Variants in SS18 observed in about 807,000 individuals in gnomAD.
SS18 encodes the protein SS18 subunit of BAF chromatin remodeling complex.
A neutral mutation model predicts 72.5 loss-of-function variants in SS18; 28 were observed. That is an observed-to-expected ratio of 0.39 (90% CI 0.29 to 0.53). The LOEUF is 0.53. Ranked by LOEUF, SS18 falls within the 20% of genes least tolerant of loss-of-function variation. The pLI, the probability that SS18 is intolerant of heterozygous loss-of-function variation, is 0.76. For missense variants in SS18, 518 were observed against 535.3 expected, an observed-to-expected ratio of 0.97 and a Z score of 0.32; for synonymous variants, 172 against 164.2, an observed-to-expected ratio of 1.05 and a Z score of -0.37.
chr18:26,043,559 A>G (rs535399878), intron 5 of SS18, among the ~76,000 whole-genome samples: 1 of 152,320 alleles, frequency 6.6e-6, no homozygotes, highest in South Asian at 2.1e-4. Context: ...GTATTCCAAA[A>G]AACTCAATTA....
chr18:26,071,102 A>G (rs1037468751), intron 3 of SS18, among the ~76,000 whole-genome samples: 4 of 152,188 alleles, frequency 2.6e-5, no homozygotes, highest in African/African-American at 9.6e-5. Context: ...GAAGGGATTA[A>G]GAAACATAAA....
At chr18:26,032,640 A>C in intron 9 of SS18, 108 bp from the exon 10 acceptor site, 1 of 1,286,140 alleles carries the variant, frequency 7.8e-7, no homozygotes, top group African/African-American at 1.5e-5. Flanking sequence ...TCTAAGCTAA[A>C]AAAAGATAGT....
At chr18:26,039,187 A>G (rs1476769367) in intron 6 of SS18, 102 bp downstream of exon 6, 4 of 906,188 alleles carry the variant, frequency 4.4e-6, no homozygotes, top group Admixed American at 6.2e-5. Context: ...AAAAAAAAAA[A>G]AAAAAAAAGA....
intron 4 of SS18, 76 bp downstream of exon 4, chr18:26,057,513 A>G: frequency 6.4e-7 from 1 of 1,559,374 alleles, no homozygotes; most frequent in Non-Finnish European, 8.8e-7. Context: ...TCAACAATCT[A>G]GTATCCCTTG....
At chr18:26,021,753 C>G (rs1167767484) in intron 10 of SS18, among the ~76,000 whole-genome samples, 3 of 152,138 alleles carry the variant, frequency 2.0e-5, no homozygotes, top group African/African-American at 7.2e-5. Flanking sequence ...ACTTAAATAC[C>G]AAACAGGCAC....
chr18:26,082,881 T>A (rs1568033488), intron 2 of SS18, among the ~76,000 whole-genome samples: 1 of 151,560 alleles, frequency 6.6e-6, no homozygotes, highest in African/African-American at 2.4e-5. Context: ...ATTTTTAATT[T>A]AAAAAAAAAC....
chr18:26,063,438 G>C (rs967262491), intron 3 of SS18, among the ~76,000 whole-genome samples: 1 of 152,176 alleles, frequency 6.6e-6, no homozygotes, highest in African/African-American at 2.4e-5. Flanking sequence ...ACAATGGTGT[G>C]AACCCGGGAG....
intron 2 of SS18, chr18:26,082,477 A>AT (rs34954947): frequency 3.1e-6 from 3 of 983,220 alleles, no homozygotes; most frequent in East Asian, 1.1e-4. Flanking sequence ...ATCGACACTA[A>AT]TTTTTTTTGT....
Position 26,057,755 on chromosome 18 carries a change from A to C in SS18, c.232-13T>G, listed in dbSNP as rs1435835781. The C allele has an allele frequency of 3.1e-6, 5 of 1,587,632 alleles. 1 individual carries two copies. In the South Asian group the frequency reaches 5.7e-5, roughly 18 times the overall value. ...TCTGTGTGGGTGGCTGAAAGAAGAC[A>C]GTTTAGTAAAACAAGAGAAACAGAC... On this transcript the variant is annotated splice_polypyrimidine_tract_variant and intron_variant, in intron 3 of 10. Transcript: ENST00000415083.
intron 3 of SS18, among the ~76,000 whole-genome samples, chr18:26,070,894 A>G (rs2054299639): frequency 6.6e-6 from 1 of 152,218 alleles, no homozygotes; most frequent in South Asian, 2.1e-4. Context: ...AGTTAGTAAC[A>G]TCCTCTCAGC....
intron 4 of SS18, 73 bp from the exon 5 acceptor site, chr18:26,052,918 A>T (rs922845387): frequency 3.3e-6 from 4 of 1,206,460 alleles, no homozygotes; most frequent in Non-Finnish European, 3.5e-6. Flanking sequence ...CCTGGAAATA[A>T]TTTTTTTTTT....
At chr18:26,052,493 T>G in intron 5 of SS18, 131 bp downstream of exon 5, 1 of 687,218 alleles carries the variant, frequency 1.5e-6, no homozygotes, top group Non-Finnish European at 2.5e-6. Context: ...AACATCTCCT[T>G]TTTATGGGCA....
At chr18:26,045,020 C>G (rs1200970371) in intron 5 of SS18, among the ~76,000 whole-genome samples, 1 of 152,192 alleles carries the variant, frequency 6.6e-6, no homozygotes, top group Non-Finnish European at 1.5e-5. Context: ...GTCAGCAAAT[C>G]CGCTCTACCT....
intron 3 of SS18, among the ~76,000 whole-genome samples, chr18:26,065,346 CGACA>C (rs1433725413): frequency 1.3e-5 from 2 of 152,040 alleles, no homozygotes; most frequent in African/African-American, 2.4e-5. Flanking sequence ...ATTAATACAA[CGACA>C]GACAAACAGA....
At chr18:26,048,711 G>A (rs1477769341) in intron 5 of SS18, among the ~76,000 whole-genome samples, 1 of 152,120 alleles carries the variant, frequency 6.6e-6, no homozygotes, top group African/African-American at 2.4e-5. Flanking sequence ...TCTAACCAAA[G>A]AGTACACTGA....
At chr18:26,065,193 A>T (rs988575182) in intron 3 of SS18, among the ~76,000 whole-genome samples, 11 of 152,152 alleles carry the variant, frequency 7.2e-5, no homozygotes, top group African/African-American at 2.7e-4. Flanking sequence ...TCCCAATAAA[A>T]ATTCCACAGA....
chr18:26,063,357 A>G (rs560050738), intron 3 of SS18, among the ~76,000 whole-genome samples: 2 of 152,202 alleles, frequency 1.3e-5, no homozygotes, highest in East Asian at 3.9e-4. Flanking sequence ...GCCTCTACTA[A>G]AAATACAAAA....
At chr18:26,052,585 T>G (rs562597083) in intron 5 of SS18, 39 bp downstream of exon 5, 2 of 1,514,178 alleles carry the variant, frequency 1.3e-6, no homozygotes, top group Admixed American at 1.7e-5. Flanking sequence ...CAAAGGCTAA[T>G]AGAGCACTCT....
Position 26,042,417 on chromosome 18 carries a change from T to C in SS18, c.608-2961A>G, listed in dbSNP as rs376048820. 1.6e-4 allele frequency among the ~76,000 whole-genome samples: 25 copies of C among 152,272 alleles called. No individual in the cohort carries two copies. In the East Asian group the frequency reaches 4.2e-3, roughly 26 times the overall value. On this transcript the variant is annotated intron_variant, in intron 5 of 10. Coordinates refer to ENST00000415083, the MANE Select transcript of SS18 (RefSeq NM_001007559.3). ...ACTGATGTCTTAATTACCTAGAATA[T>C]ATTTTTGCAAGTGTTTTGCAAGGGC... is the stretch of plus-strand genomic sequence containing the variant.
Sources: allele counts gnomAD v4.1 joint callset (sites outside exome capture counted in the v4.1 genomes callset), GRCh38; gene constraint gnomAD v4.1.1; transcripts MANE v1.5; gene names NCBI Gene and HGNC (gene_info 2026-07-23, HGNC 2026-07-21).